Variants in HOATZ observed in about 807,000 individuals in gnomAD.
HOATZ encodes the protein HOATZ cilia and flagella associated protein.
A neutral mutation model predicts 24.9 loss-of-function variants in HOATZ; 26 were observed. The ratio of observed to expected loss-of-function variants is 1.04; its 90% CI spans 0.76 to 1.45. The LOEUF is 1.45. Among genes scored for constraint, HOATZ ranks in the 40% most tolerant of loss-of-function variants. The probability of loss-of-function intolerance (pLI) is 0.00; values close to 1 mark genes in which losing one functional copy is unlikely to be tolerated. For synonymous variants in HOATZ, 83 were observed against 76.6 expected, an observed-to-expected ratio of 1.08 and a Z score of -0.43; for missense variants, 226 against 201.5, an observed-to-expected ratio of 1.12 and a Z score of -0.74.
At chr11:111,524,682 T>C (rs1054313197) in intron 3 of HOATZ, among the ~76,000 whole-genome samples, 1 of 152,226 alleles carries the variant, frequency 6.6e-6, no homozygotes, top group African/African-American at 2.4e-5. Flanking sequence ...TACTGCCATA[T>C]GTAGAAAACC....
At chr11:111,535,780 T>G (rs1376680248) in intron 5 of HOATZ, 1 of 152,308 alleles carries the variant, frequency 6.6e-6, no homozygotes, top group Non-Finnish European at 1.5e-5. Flanking sequence ...TGCCTCAGCC[T>G]TCCAAGTAGC....
intron 3 of HOATZ, 67 bp downstream of exon 3, chr11:111,516,177 C>A: frequency 2.0e-6 from 2 of 994,074 alleles, no homozygotes; most frequent in Non-Finnish European, 3.1e-6. Flanking sequence ...ATTTTTTAAA[C>A]ACATGTATAT....
intron 3 of HOATZ, among the ~76,000 whole-genome samples, chr11:111,529,292 C>T (rs904323709): frequency 4.6e-5 from 7 of 152,152 alleles, no homozygotes; most frequent in African/African-American, 1.7e-4. Context: ...ACTCAAGTAT[C>T]CACATCCTGA....
At chr11:111,531,969 C>G (rs568805152) in intron 3 of HOATZ, among the ~76,000 whole-genome samples, 1 of 152,266 alleles carries the variant, frequency 6.6e-6, no homozygotes, top group African/African-American at 2.4e-5. Flanking sequence ...GCTTTGCACA[C>G]GCTGTTTCCT....
chr11:111,522,663 T>C (rs1867282726), intron 3 of HOATZ, among the ~76,000 whole-genome samples: 2 of 152,306 alleles, frequency 1.3e-5, no homozygotes, highest in Admixed American at 1.3e-4. Flanking sequence ...CCCAAGCCAC[T>C]TGGGCAGTTC....
chr11:111,520,109 A>G (rs1258507041), intron 3 of HOATZ, among the ~76,000 whole-genome samples: 1 of 152,222 alleles, frequency 6.6e-6, no homozygotes, highest in Non-Finnish European at 1.5e-5. Flanking sequence ...CATAAAGGAA[A>G]CCTCACAGCC....
chr11:111,515,244 T>C (rs1867171451), intron 1 of HOATZ, among the ~76,000 whole-genome samples: 1 of 152,228 alleles, frequency 6.6e-6, no homozygotes, highest in Non-Finnish European at 1.5e-5. Flanking sequence ...TTATGGCATC[T>C]ATTTGGTAAA....
chr11:111,516,204 T>G, intron 3 of HOATZ, 94 bp downstream of exon 3: 1 of 709,940 alleles, frequency 1.4e-6, no homozygotes, highest in Non-Finnish European at 2.3e-6. Context: ...ATCTGCTACT[T>G]CTAGTGCATC....
At chr11:111,524,087 A>G (rs756506967) in intron 3 of HOATZ, among the ~76,000 whole-genome samples, 1 of 152,196 alleles carries the variant, frequency 6.6e-6, no homozygotes, top group Non-Finnish European at 1.5e-5. Context: ...GAATAAGTGG[A>G]TTATCTAACT....
intron 5 of HOATZ, 192 bp downstream of exon 5, chr11:111,534,656 TG>T: frequency 1.7e-6 from 1 of 587,396 alleles, no homozygotes; most frequent in South Asian, 2.2e-5. Flanking sequence ...TGTCTGTCTG[TG>T]GAATATGCAA....
intron 3 of HOATZ, among the ~76,000 whole-genome samples, chr11:111,525,428 G>A (rs79090219): frequency 0.024 from 3,652 of 152,314 alleles, 81 homozygotes; most frequent in Middle Eastern, 0.085. Flanking sequence ...GGTAGTATAA[G>A]TATAGACATT....
rs192133108 is a variant in HOATZ at position 111,518,016 on chromosome 11, C to A, written c.339+1906C>A. ...CCCGCTTTCTCCTATGCTCTCTCCC[C>A]AACTCTGTATAGTTGGATCTCAACC... On this transcript the variant is annotated intron_variant, in intron 3 of 5. Transcript: ENST00000375618. 1.4e-4 allele frequency among the ~76,000 whole-genome samples: 22 copies of A among 152,284 alleles called. No homozygotes were observed. In the East Asian group the frequency reaches 4.2e-3, roughly 29 times the overall value.
intron 3 of HOATZ, among the ~76,000 whole-genome samples, chr11:111,532,093 C>G (rs569303940): frequency 1.3e-5 from 2 of 152,274 alleles, no homozygotes; most frequent in South Asian, 2.1e-4. Context: ...GTCCCCACCC[C>G]TACTCCACAC....
At chr11:111,536,301 C>A (rs1174264101) in intron 5 of HOATZ, 1 of 154,338 alleles carries the variant, frequency 6.5e-6, no homozygotes, top group Non-Finnish European at 1.4e-5. Flanking sequence ...AACTCCCCTA[C>A]ATACACAGAC....
In HOATZ at chr11:111,514,892, G is replaced by A. The variant is rs1216495981; in HGVS notation, c.108G>A (p.Leu36=). ...GCTCCTCGGAACAAGATGCCAACTT[G>A]GCTAAGCAGTTCTGGATCTCGGCGT... ...FAGSSEQDAN[L]AKQFWISASM... Residue 36 remains leucine (L), a synonymous_variant, in exon 1 of 6, where the codon TTG becomes TTA. Coordinates refer to ENST00000375618, the MANE Select transcript of HOATZ (RefSeq NM_001100388.2). 1 of 1,614,168 alleles carries A rather than the reference G, an allele frequency of 6.2e-7. No individual in the cohort carries two copies. The highest frequency in any genetic ancestry group is 1.1e-5 in the South Asian group (1 of 91,078).
intron 1 of HOATZ, 33 bp from the exon 2 acceptor site, chr11:111,515,478 A>C: frequency 6.3e-7 from 1 of 1,593,842 alleles, no homozygotes; most frequent in East Asian, 2.2e-5. Context: ...GACTTTTCCA[A>C]TGATTTCTTT....
chr11:111,530,643 A>G (rs1048986159), intron 3 of HOATZ, among the ~76,000 whole-genome samples: 6 of 152,224 alleles, frequency 3.9e-5, no homozygotes, highest in Non-Finnish European at 2.9e-5. Flanking sequence ...CCTTGTATTA[A>G]CAGTTAATTG....
intron 3 of HOATZ, among the ~76,000 whole-genome samples, chr11:111,530,021 CT>C (rs1172489475): frequency 2.0e-5 from 3 of 152,154 alleles, no homozygotes; most frequent in Non-Finnish European, 4.4e-5. Context: ...AATCTGTCCT[CT>C]TTTTTCTTAC....
chr11:111,521,279 C>G (rs889068829), intron 3 of HOATZ, among the ~76,000 whole-genome samples: 5 of 152,098 alleles, frequency 3.3e-5, no homozygotes, highest in African/African-American at 1.2e-4. Flanking sequence ...TATTTTTAGA[C>G]ACTGAGTCAT....
Sources: gnomAD v4.1 joint callset for allele counts (sites outside exome capture counted in the v4.1 genomes callset) on GRCh38, gnomAD v4.1.1 for gene constraint, MANE v1.5 for transcripts, NCBI Gene and HGNC (gene_info 2026-07-23, HGNC 2026-07-21) for gene names.